PIGU: variants seen among roughly 807,000 people sequenced by gnomAD.
The protein encoded by PIGU is GPI-anchor transamidase component PIGU.
In PIGU, 24 loss-of-function variants were observed where a neutral mutation model predicts 49.9. That is an observed-to-expected ratio of 0.48 (90% confidence interval 0.35 to 0.68). The LOEUF is 0.68. PIGU is among the 30% of genes least tolerant of loss of function. The pLI is 0.01. For missense variants in PIGU, 490 were observed against 532.6 expected, an observed-to-expected ratio of 0.92 and a Z score of 0.79; for synonymous variants, 220 against 205.7, an observed-to-expected ratio of 1.07 and a Z score of -0.59.
intron 7 of PIGU, among the ~76,000 whole-genome samples, chr20:34,608,231 T>C (rs1234859427): frequency 1.3e-5 from 2 of 152,040 alleles, no homozygotes; most frequent in Non-Finnish European, 2.9e-5. Flanking sequence ...CCCACCACCA[T>C]GCCTGGCTCA....
chr20:34,637,822 C>A, intron 5 of PIGU, 54 bp downstream of exon 5: 1 of 1,590,912 alleles, frequency 6.3e-7, no homozygotes, highest in African/African-American at 1.4e-5. Context: ...AAAGTCTCAT[C>A]AGATTTTCCT....
chr20:34,676,459 T>C (rs2146804808), intron 1 of PIGU, among the ~76,000 whole-genome samples: 1 of 152,300 alleles, frequency 6.6e-6, no homozygotes, highest in South Asian at 2.1e-4. Context: ...AAAATTGCCC[T>C]GCAAGTCCCA....
At chr20:34,572,988 A>G (rs922314251) in intron 11 of PIGU, among the ~76,000 whole-genome samples, 9 of 152,238 alleles carry the variant, frequency 5.9e-5, no homozygotes, top group Non-Finnish European at 8.8e-5. Flanking sequence ...GCTCAGGCAG[A>G]TCTTTTCTTT....
chr20:34,600,017 C>T (rs183512399), intron 7 of PIGU, among the ~76,000 whole-genome samples: 64 of 152,302 alleles, frequency 4.2e-4, no homozygotes, highest in Middle Eastern at 3.4e-3. Context: ...ACTGACAATA[C>T]AGACACAGAA....
At chr20:34,650,529 A>G (rs1190821957) in intron 2 of PIGU, among the ~76,000 whole-genome samples, 1 of 152,032 alleles carries the variant, frequency 6.6e-6, no homozygotes, top group Non-Finnish European at 1.5e-5. Flanking sequence ...TTGGCCTTCC[A>G]AAGTGCTGGG....
intron 6 of PIGU, among the ~76,000 whole-genome samples, chr20:34,621,238 C>T (rs1055251345): frequency 2.0e-5 from 3 of 152,056 alleles, no homozygotes; most frequent in Non-Finnish European, 2.9e-5. Context: ...TTCAGCAATA[C>T]ATATGAAATC....
intron 7 of PIGU, among the ~76,000 whole-genome samples, chr20:34,604,865 C>T (rs1024214892): frequency 3.3e-5 from 5 of 152,130 alleles, no homozygotes; most frequent in African/African-American, 9.7e-5. Context: ...AGAGTACTCA[C>T]GGGGTAATTT....
At chr20:34,659,120 T>G (rs1215581589) in intron 1 of PIGU, among the ~76,000 whole-genome samples, 16 of 91,864 alleles carry the variant, frequency 1.7e-4, no homozygotes, top group South Asian at 3.8e-4. Context: ...GTCCGGGAGG[T>G]GAGGGGCGCC....
chr20:34,640,493 GCA>G (rs912682193), intron 4 of PIGU, among the ~76,000 whole-genome samples: 10 of 46,928 alleles, frequency 2.1e-4, no homozygotes, highest in African/African-American at 6.3e-4. Flanking sequence ...ACACATGTGC[GCA>G]CGCGCACACA....
rs1252842793 is a variant in PIGU, at chr20:34,588,471, G to A, written c.764C>T (p.Pro255Leu). The A allele has an allele frequency of 6.2e-7, 1 of 1,613,788 alleles. No individual in the cohort carries two copies. Among genetic ancestry groups the A allele is most frequent in the African/African-American group, 1.3e-5 (1 of 74,910 alleles). The part of the protein sequence containing the change: ...FFLLSSWDFI[P>L]AVYGFILSVP... ...TACTTACATAAAGCCATAGACTGCG[G>A]GGATGAAATCCCAAGAGCTGAGAAG... Residue 255 changes from proline to leucine, a missense_variant, in exon 8 of 12, where the codon CCC (proline) becomes CTC (leucine). Transcript: ENST00000217446.
rs73105100 is a variant in PIGU, at chr20:34,648,319, T to C, written c.196-2985A>G. On this transcript the variant is annotated intron_variant, in intron 2 of 11. Coordinates refer to ENST00000217446, the MANE Select transcript of PIGU (RefSeq NM_080476.5). Reference sequence around the variant, plus strand: ...TTTTGCTTTATATATTTTGGAGCTATGTAATTAGATGCAGTTCTATGTAGA... The same window carrying C: ...TTTTGCTTTATATATTTTGGAGCTACGTAATTAGATGCAGTTCTATGTAGA... Among the ~76,000 whole-genome samples the C allele has an allele frequency of 1.2e-3, 180 of 152,046 alleles. 1 individual carries two copies. The highest frequency in any genetic ancestry group is 2.0e-3 in the Non-Finnish European group (138 of 67,986).
Position 34,563,139 on chromosome 20 carries a change from G to A in PIGU, c.1195-2160C>T, listed in dbSNP as rs141088431. On this transcript the variant is annotated intron_variant, in intron 11 of 11. Transcript: ENST00000217446. ...CATATGATCCAACCTAATATAAAAC[G>A]GAAAAACGTACACATGGAAAAGTAA... is the stretch of plus-strand genomic sequence containing the variant. Among the ~76,000 whole-genome samples the A allele has an allele frequency of 6.6e-5, 10 of 152,198 alleles. No individual in the cohort carries two copies. The East Asian group carries it at 1.7e-3, about 27-fold the overall frequency.
At chr20:34,654,886 TC>T (rs1986658714) in intron 2 of PIGU, among the ~76,000 whole-genome samples, 1 of 114,838 alleles carries the variant, frequency 8.7e-6, no homozygotes, top group Non-Finnish European at 1.8e-5. Flanking sequence ...GTGCCTGTGG[TC>T]CCAGCTTCTC....
chr20:34,652,716 T>C (rs1474441277), intron 2 of PIGU, among the ~76,000 whole-genome samples: 2 of 152,156 alleles, frequency 1.3e-5, no homozygotes, highest in African/African-American at 2.4e-5. Flanking sequence ...CTTTGATCCA[T>C]GGGTTAATTA....
At chr20:34,589,255 T>C (rs1762694802) in intron 7 of PIGU, among the ~76,000 whole-genome samples, 1 of 151,970 alleles carries the variant, frequency 6.6e-6, no homozygotes, top group African/African-American at 2.4e-5. Context: ...CCTAAGAAAC[T>C]TCATATAACC....
In PIGU at chr20:34,585,492, A is replaced by C; in HGVS notation, c.871T>G (p.Cys291Gly). ...AAGAAGACGTTGATCTGAAACACAC[A>C]TACAAAGAAGAGGCTGAAGTGCTCA... ...MFEHFSLFFV[C>G]VFQINVFFYT... Residue 291 changes from cysteine (C) to glycine (G), a missense_variant, in exon 9 of 12, where the codon TGT (cysteine) becomes GGT (glycine). By Grantham distance (159) the Cys-to-Gly change is radical. Coordinates refer to ENST00000217446, the MANE Select transcript of PIGU (RefSeq NM_080476.5). The C allele has an allele frequency of 6.2e-7, 1 of 1,613,950 alleles. No individual in the cohort carries two copies. Among genetic ancestry groups the C allele is most frequent in the Non-Finnish European group, 8.5e-7 (1 of 1,179,744 alleles).
chr20:34,670,607 T>C lies in PIGU; in HGVS notation c.130+6349A>G, dbSNP rs934366268. 3.9e-5 allele frequency among the ~76,000 whole-genome samples: 6 copies of C among 152,210 alleles called. No homozygotes were observed. The East Asian group carries it at 7.7e-4, about 20-fold the overall frequency. ...CAGGCTGGAGTGCAGTGGTGCAATC[T>C]TGGCTCACTGCAGCCTCCACCTCCT... is the stretch of plus-strand genomic sequence containing the variant. On this transcript the variant is annotated intron_variant, in intron 1 of 11. Coordinates refer to ENST00000217446, the MANE Select transcript of PIGU (RefSeq NM_080476.5).
chr20:34,658,112 C>T (rs1183950281), intron 1 of PIGU, among the ~76,000 whole-genome samples: 3 of 152,350 alleles, frequency 2.0e-5, no homozygotes, highest in Admixed American at 1.3e-4. Context: ...CCTGCCTCAG[C>T]CTGCCCAGTG....
intron 5 of PIGU, among the ~76,000 whole-genome samples, chr20:34,636,796 T>C (rs1600648978): frequency 6.6e-6 from 1 of 152,230 alleles, no homozygotes; most frequent in East Asian, 1.9e-4. Flanking sequence ...TTAAATCCAA[T>C]ACCTCCCACG....
Sources: allele counts gnomAD v4.1 joint callset (sites outside exome capture counted in the v4.1 genomes callset), GRCh38; gene constraint gnomAD v4.1.1; transcripts MANE v1.5; gene names NCBI Gene and HGNC (gene_info 2026-07-23, HGNC 2026-07-21).